ADAMTSL3: variants seen among roughly 807,000 people sequenced by gnomAD.
The protein encoded by ADAMTSL3 is ADAMTS like 3.
Under a neutral mutation model 201.7 loss-of-function variants are expected in ADAMTSL3, and 128 were observed. The ratio of observed to expected loss-of-function variants is 0.63; its 90% CI spans 0.55 to 0.73. ADAMTSL3 has a LOEUF of 0.73. Among genes scored for constraint, ADAMTSL3 ranks in the 30% least tolerant of loss-of-function variants. ADAMTSL3 has a pLI of 0.00. For synonymous variants in ADAMTSL3, 738 were observed against 748.4 expected (o/e 0.99, Z 0.23); for missense variants, 1,990 against 2,119.6 (o/e 0.94, Z 1.20).
At chr15:83,969,400 T>C (rs2067151601) in intron 19 of ADAMTSL3, among the ~76,000 whole-genome samples, 2 of 152,268 alleles carry the variant, frequency 1.3e-5, no homozygotes, top group African/African-American at 4.8e-5. Context: ...GCTGAGATCA[T>C]GCCACTGCAC....
rs961986518 is a variant in ADAMTSL3 at position 83,720,177 on chromosome 15, C to G, written c.189+15669C>G. ...GAGGTTGCAGTGAGCAGAAATCATA[C>G]CACTGCACTCCAGCCTGGGTGTCAG... On this transcript the variant is annotated intron_variant, in intron 3 of 29. Coordinates refer to ENST00000286744, the MANE Select transcript of ADAMTSL3 (RefSeq NM_207517.3). Among the ~76,000 whole-genome samples the G allele has an allele frequency of 2.0e-5, 3 of 152,158 alleles. No individual in the cohort carries two copies. In the East Asian group the frequency reaches 5.8e-4, roughly 29 times the overall value.
chr15:83,744,846 T>C lies in ADAMTSL3; in HGVS notation c.190-28677T>C, dbSNP rs1443681831. Reference sequence around the variant, plus strand: ...TATGCCTTCCTAGAGAAGCCATTTGTGTAATGTCAAAAGAGTGTGTTTGTT... The same window carrying C: ...TATGCCTTCCTAGAGAAGCCATTTGCGTAATGTCAAAAGAGTGTGTTTGTT... On this transcript the variant is annotated intron_variant, in intron 3 of 29. Coordinates refer to ENST00000286744, the MANE Select transcript of ADAMTSL3 (RefSeq NM_207517.3). Among the ~76,000 whole-genome samples the C allele has an allele frequency of 2.6e-5, 4 of 152,186 alleles. No homozygotes were observed. The East Asian group carries it at 7.7e-4, about 29-fold the overall frequency.
At chr15:83,690,582 G>A (rs771413893) in intron 2 of ADAMTSL3, among the ~76,000 whole-genome samples, 29 of 152,078 alleles carry the variant, frequency 1.9e-4, no homozygotes, top group East Asian at 7.7e-4. Context: ...TGACACTTAC[G>A]CTCCTGTGCC....
chr15:83,903,970 A>AGG (rs1567226231), intron 15 of ADAMTSL3, among the ~76,000 whole-genome samples: 22 of 116,538 alleles, frequency 1.9e-4, no homozygotes, highest in Admixed American at 3.7e-4. Context: ...GAAAGAAAGA[A>AGG]AAGGAGCTAC....
At position 83,690,294 on chromosome 15, in the gene ADAMTSL3, G is replaced by A. The variant is rs2061593813; in HGVS notation, c.70-14095G>A. Among the ~76,000 whole-genome samples, 4 of 151,950 alleles carry A rather than the reference G, an allele frequency of 2.6e-5. No individual in the cohort carries two copies. In the South Asian group the frequency reaches 8.3e-4, roughly 32 times the overall value. Reference sequence around the variant, plus strand: ...CCTCAGGATGAACACGGACTTCATGGTCTGCCTTCCAGAGCCCCTTCAGGA... The same window carrying A: ...CCTCAGGATGAACACGGACTTCATGATCTGCCTTCCAGAGCCCCTTCAGGA... On this transcript the variant is annotated intron_variant, in intron 2 of 29. Coordinates refer to ENST00000286744, the MANE Select transcript of ADAMTSL3 (RefSeq NM_207517.3).
intron 14 of ADAMTSL3, among the ~76,000 whole-genome samples, chr15:83,898,599 C>T (rs949222606): frequency 1.3e-5 from 2 of 152,152 alleles, no homozygotes; most frequent in African/African-American, 4.8e-5. Context: ...ATTTGTTCCA[C>T]ATGAAAGAGC....
intron 19 of ADAMTSL3, among the ~76,000 whole-genome samples, chr15:83,967,135 C>G (rs911367920): frequency 1.3e-5 from 2 of 152,198 alleles, no homozygotes; most frequent in Non-Finnish European, 2.9e-5. Flanking sequence ...AGGATGCCCT[C>G]TCTCACCACT....
rs554286975 is a variant in ADAMTSL3, at chr15:83,654,192, G to C, written c.-118G>C. The C allele has an allele frequency of 2.1e-4, 32 of 152,158 alleles. No individual in the cohort carries two copies. The highest frequency in any genetic ancestry group is 7.7e-4 in the African/African-American group (32 of 41,538). The allele number at this position is 152,158 out of a possible 1,614,324, so 9.4% of individuals were successfully genotyped here. A position where few individuals can be genotyped will look rare whatever the true frequency, so the allele number is the denominator to read the frequency against. On this transcript the variant is annotated 5_prime_UTR_variant, in exon 1 of 30. Coordinates refer to ENST00000286744, the MANE Select transcript of ADAMTSL3 (RefSeq NM_207517.3). The surrounding 1 kb of genome is among the most constrained non-coding windows in gnomAD (Gnocchi z 5.3). ...CCGGATTCCGCACGAGGTGTTGACG[G>C]GCGGCTTCTGCCAACTTCTCCCCAG...
At chr15:83,753,314 A>T (rs2062668569) in intron 3 of ADAMTSL3, among the ~76,000 whole-genome samples, 1 of 152,196 alleles carries the variant, frequency 6.6e-6, no homozygotes, top group South Asian at 2.1e-4. Flanking sequence ...GGTGTGCAGA[A>T]TTCTCTGTCC....
intron 6 of ADAMTSL3, among the ~76,000 whole-genome samples, chr15:83,828,816 G>A (rs1419738918): frequency 6.6e-6 from 1 of 152,122 alleles, no homozygotes. Flanking sequence ...CTGTTTATAT[G>A]CTGGATTACG....
At chr15:83,809,507 C>T in intron 5 of ADAMTSL3, among the ~76,000 whole-genome samples, 1 of 152,218 alleles carries the variant, frequency 6.6e-6, no homozygotes, top group South Asian at 2.1e-4. Flanking sequence ...TGCCTCTTTG[C>T]AGACAGCAGA....
At chr15:83,896,979 C>T (rs764393084) in intron 13 of ADAMTSL3, among the ~76,000 whole-genome samples, 1 of 152,108 alleles carries the variant, frequency 6.6e-6, no homozygotes, top group Non-Finnish European at 1.5e-5. Flanking sequence ...CTTATGAGAA[C>T]TCACTCACTA....
chr15:83,831,708 C>A (rs769775379), intron 6 of ADAMTSL3, among the ~76,000 whole-genome samples: 7 of 152,034 alleles, frequency 4.6e-5, no homozygotes, highest in Non-Finnish European at 8.8e-5. Context: ...CAGATTCTTC[C>A]GTAGAAATCC....
At chr15:83,792,912 A>G (rs12900358) in intron 4 of ADAMTSL3, among the ~76,000 whole-genome samples, 15,730 of 152,290 alleles carry the variant, frequency 0.1, 1,100 homozygotes, top group Middle Eastern at 0.18. Context: ...TGTTTTCAAA[A>G]TAGCCAAGGT....
chr15:83,735,320 G>GT (rs2062353446), intron 3 of ADAMTSL3, among the ~76,000 whole-genome samples: 1 of 152,126 alleles, frequency 6.6e-6, no homozygotes, highest in Non-Finnish European at 1.5e-5. Flanking sequence ...AACACAATCA[G>GT]TTGCAGAAGT....
At chr15:83,674,776 T>TATAC (rs2061378800) in intron 2 of ADAMTSL3, among the ~76,000 whole-genome samples, 3 of 60,964 alleles carry the variant, frequency 4.9e-5, no homozygotes, top group East Asian at 6.6e-4. Flanking sequence ...CATATATATA[T>TATAC]ATATATATAT....
intron 23 of ADAMTSL3, among the ~76,000 whole-genome samples, chr15:83,992,046 G>A (rs770828841): frequency 2.0e-4 from 30 of 152,214 alleles, no homozygotes; most frequent in Non-Finnish European, 4.1e-4. Flanking sequence ...ATGACTTTGC[G>A]TATGCCTTTG....
intron 3 of ADAMTSL3, among the ~76,000 whole-genome samples, chr15:83,706,360 T>A (rs1247622383): frequency 6.6e-6 from 1 of 152,196 alleles, no homozygotes; most frequent in Non-Finnish European, 1.5e-5. Context: ...GAAAAGTGTG[T>A]GGCATGCTGT....
intron 3 of ADAMTSL3, among the ~76,000 whole-genome samples, chr15:83,726,644 T>C (rs762890442): frequency 6.6e-6 from 1 of 152,166 alleles, no homozygotes; most frequent in East Asian, 1.9e-4. Context: ...CCAGCATCAA[T>C]TGAAATCATC....
Sources: allele counts gnomAD v4.1 joint callset (sites outside exome capture counted in the v4.1 genomes callset), GRCh38; gene constraint gnomAD v4.1.1; non-coding constraint Gnocchi (gnomAD v3.1); transcripts MANE v1.5; gene names NCBI Gene and HGNC (gene_info 2026-07-23, HGNC 2026-07-21).